The following IFT88 variants were observed in gnomAD, a reference collection of about 807,000 sequenced individuals.
The protein encoded by IFT88 is intraflagellar transport protein 88 homolog.
IFT88 carries 74 observed loss-of-function variants against 119.5 expected under a neutral mutation model. That is an observed-to-expected ratio of 0.62 (90% CI 0.51 to 0.75). The LOEUF is 0.75. IFT88 is among the 30% of genes least tolerant of loss of function. IFT88 has a pLI of 0.00. For missense variants in IFT88, 961 were observed against 977.7 expected (o/e 0.98, Z 0.23); for synonymous variants, 279 against 316.7 (o/e 0.88, Z 1.26).
intron 16 of IFT88, among the ~76,000 whole-genome samples, chr13:20,632,601 G>T (rs891149692): frequency 6.6e-6 from 1 of 152,164 alleles, no homozygotes; most frequent in African/African-American, 2.4e-5. Flanking sequence ...CCAACCCCTT[G>T]TTTAAATTTA....
intron 7 of IFT88, among the ~76,000 whole-genome samples, chr13:20,595,905 T>C (rs1022914272): frequency 9.2e-5 from 14 of 151,682 alleles, no homozygotes; most frequent in East Asian, 1.9e-4. Flanking sequence ...AAATTATTCA[T>C]GTATGGTGGC....
chr13:20,637,710 G>A (rs910710889), intron 16 of IFT88, among the ~76,000 whole-genome samples: 1 of 152,172 alleles, frequency 6.6e-6, no homozygotes, highest in South Asian at 2.1e-4. Flanking sequence ...CACTGCTTCA[G>A]GTCTGCATTC....
intron 14 of IFT88, among the ~76,000 whole-genome samples, chr13:20,622,068 G>T (rs192080127): frequency 1.3e-5 from 2 of 152,270 alleles, no homozygotes; most frequent in Admixed American, 1.3e-4. Context: ...CTTGGGACCA[G>T]AAGTGTTTTG....
chr13:20,618,738 A>G (rs2046032775), intron 14 of IFT88, among the ~76,000 whole-genome samples: 1 of 152,158 alleles, frequency 6.6e-6, no homozygotes, highest in Non-Finnish European at 1.5e-5. Context: ...CAACTGTTCT[A>G]CTGAAAAACA....
At position 20,691,068 on chromosome 13, in the gene IFT88, G is replaced by A; in HGVS notation, c.2368G>A (p.Asp790Asn). Residue 790 changes from aspartate to asparagine, a missense_variant, in exon 26 of 26, where the codon GAC becomes AAC. Transcript: ENST00000351808. ...TCGAAACCTAGATGCCTCCTATGTG[G>A]ACCCACTTGGCCCTCAAATAGAACG... ...SNKEIDASYV[D>N]PLGPQIERPK... The A allele has an allele frequency of 6.2e-7, 1 of 1,613,882 alleles. No individual in the cohort carries two copies. Among genetic ancestry groups the A allele is most frequent in the Non-Finnish European group, 8.5e-7 (1 of 1,179,930 alleles).
At chr13:20,686,404 T>C (rs2057918741) in intron 24 of IFT88, among the ~76,000 whole-genome samples, 1 of 152,236 alleles carries the variant, frequency 6.6e-6, no homozygotes, top group African/African-American at 2.4e-5. Context: ...AGTGAATGCT[T>C]AAGGTAAAAG....
At chr13:20,622,903 A>G (rs1184317935) in intron 14 of IFT88, among the ~76,000 whole-genome samples, 1 of 152,152 alleles carries the variant, frequency 6.6e-6, no homozygotes, top group African/African-American at 2.4e-5. Flanking sequence ...TGTCAAATCT[A>G]ATGTCATGAA....
intron 20 of IFT88, among the ~76,000 whole-genome samples, chr13:20,648,795 G>A (rs2051138808): frequency 6.6e-6 from 1 of 152,068 alleles, no homozygotes; most frequent in Admixed American, 6.6e-5. Context: ...TAGATACAAG[G>A]ACACAAAAGA....
intron 3 of IFT88, among the ~76,000 whole-genome samples, chr13:20,584,550 TA>T (rs2039296406): frequency 6.6e-6 from 1 of 152,216 alleles, no homozygotes; most frequent in Non-Finnish European, 1.5e-5. Context: ...TATTAATTAA[TA>T]CTCAATTAAT....
At chr13:20,597,770 T>TATATATATATATATATATATATATA (rs373031113) in intron 9 of IFT88, among the ~76,000 whole-genome samples, 1 of 142,468 alleles carries the variant, frequency 7.0e-6, no homozygotes, top group South Asian at 2.2e-4. Flanking sequence ...TATATATATA[T>TATATATATATATATATATATATATA]TTTTTTTTTG....
intron 12 of IFT88, among the ~76,000 whole-genome samples, chr13:20,602,514 C>T (rs2042776310): frequency 6.6e-6 from 1 of 152,072 alleles, no homozygotes; most frequent in Non-Finnish European, 1.5e-5. Flanking sequence ...ATATCTTGAC[C>T]AAGAAACCTC....
In IFT88 at chr13:20,643,503, G is replaced by A. The variant is rs1252153797; in HGVS notation, c.1731G>A (p.Gln577=). 6.2e-7 allele frequency: 1 copy of A among 1,611,914 alleles called. No homozygotes were observed. The highest frequency in any genetic ancestry group is 8.5e-7 in the Non-Finnish European group (1 of 1,178,950). ...GTCAAGCTATTGAATGGCTAATGCA[G>A]GTGGTCAGTGTTATTCCAACCGATC... The part of the protein sequence containing the change: ...NPSQAIEWLM[Q]VVSVIPTDPQ... Residue 577 remains glutamine (Q), a synonymous_variant, in exon 19 of 26, where the codon CAG becomes CAA. Transcript: ENST00000351808.
At chr13:20,686,538 T>A (rs1018289441) in intron 24 of IFT88, among the ~76,000 whole-genome samples, 3 of 137,632 alleles carry the variant, frequency 2.2e-5, no homozygotes, top group African/African-American at 7.9e-5. Context: ...TAAAATAGCA[T>A]CGGTGGTGTT....
At chr13:20,592,795 C>A (rs2040926063) in intron 7 of IFT88, among the ~76,000 whole-genome samples, 1 of 152,026 alleles carries the variant, frequency 6.6e-6, no homozygotes, top group African/African-American at 2.4e-5. Context: ...TATGTGACTT[C>A]CATAAGAATT....
rs773811832 is a variant in IFT88 at position 20,644,911 on chromosome 13, A to G, written c.1902A>G (p.Gln634=). Residue 634 remains glutamine (Q), a synonymous_variant, in exon 20 of 26, where the codon CAA becomes CAG. Coordinates refer to ENST00000351808, the MANE Select transcript of IFT88 (RefSeq NM_006531.5). ...TTGGAGCCTATTACATTGACACCCA[A>G]TTTTGGGAAAAAGCTATTCAGTACT... The part of the protein sequence containing the change: ...EWLGAYYIDT[Q]FWEKAIQYFE... The G allele has an allele frequency of 1.2e-6, 2 of 1,605,818 alleles. No homozygotes were observed. The highest frequency in any genetic ancestry group is 1.1e-5 in the South Asian group (1 of 90,186).
chr13:20,673,244 C>T (rs895165464), intron 24 of IFT88, among the ~76,000 whole-genome samples: 1 of 145,764 alleles, frequency 6.9e-6, no homozygotes, highest in Non-Finnish European at 1.5e-5. Context: ...CCTGGTAATT[C>T]GTAAGTTTAT....
At chr13:20,596,865 A>G (rs189861936) in intron 8 of IFT88, 150 bp from the exon 9 acceptor site, 766 of 459,680 alleles carry the variant, frequency 1.7e-3, no homozygotes, top group Non-Finnish European at 2.7e-3. Flanking sequence ...GTCCCTTTCC[A>G]AGGGAAGTTT....
chr13:20,618,250 C>T (rs1449058228), intron 14 of IFT88, among the ~76,000 whole-genome samples: 2 of 152,110 alleles, frequency 1.3e-5, no homozygotes, highest in East Asian at 3.9e-4. Context: ...AGCACATGAT[C>T]GTTGTTCATT....
chr13:20,604,920 C>T (rs1433254532), intron 12 of IFT88, 115 bp from the exon 13 acceptor site: 9 of 517,704 alleles, frequency 1.7e-5, no homozygotes, highest in Non-Finnish European at 2.8e-5. Context: ...CATGCCACTG[C>T]ACTGCAGCCT....
Sources: allele counts gnomAD v4.1 joint callset (sites outside exome capture counted in the v4.1 genomes callset), GRCh38; gene constraint gnomAD v4.1.1; transcripts MANE v1.5; gene names NCBI Gene and HGNC (gene_info 2026-07-23, HGNC 2026-07-21).